Variants in ZNF347 observed in about 807,000 individuals in gnomAD.
ZNF347 encodes CTD-2620I22.7.
A neutral mutation model predicts 12.9 loss-of-function variants in ZNF347; 19 were observed. That is an observed-to-expected ratio of 1.47 (90% CI 1.03 to 2.16). The LOEUF (loss-of-function observed/expected upper bound fraction) is 2.16. ZNF347 is among the 30% of genes most tolerant of loss of function. The pLI, the probability that ZNF347 is intolerant of heterozygous loss-of-function variation, is 0.00. For missense variants in ZNF347, 1,005 were observed against 990.6 expected (o/e 1.01, Z -0.19); for synonymous variants, 328 against 340.6 (o/e 0.96, Z 0.41).
At chr19:53,144,695 G>A (rs2090451609) in intron 4 of ZNF347, among the ~76,000 whole-genome samples, 1 of 152,144 alleles carries the variant, frequency 6.6e-6, no homozygotes, top group Admixed American at 6.6e-5. Flanking sequence ...CTAGTCACAG[G>A]TGAGTTCACA....
rs761129866 is a variant in ZNF347, at chr19:53,148,691, A to G, written c.261T>C (p.Ala87=). The change falls in exon 4 of 5, where the codon GCT becomes GCC. Residue 87 remains alanine (A), a synonymous_variant. Coordinates refer to ENST00000334197, the MANE Select transcript of ZNF347 (RefSeq NM_032584.3). ...CATCTGAACTCTTACCTGTGATCAC[A>G]GCTTTGATCCATTCCCATCCATCTG... is the stretch of plus-strand genomic sequence containing the variant. ...GNPDGWEWIK[A]VITALSSEFV... The G allele has an allele frequency of 2.5e-6, 4 of 1,612,638 alleles. No homozygotes were observed. In the African/African-American group the frequency reaches 5.3e-5, roughly 22 times the overall value.
intron 1 of ZNF347, 75 bp from the exon 2 acceptor site, chr19:53,153,868 C>T: frequency 2.7e-6 from 3 of 1,104,862 alleles, no homozygotes; most frequent in Non-Finnish European, 4.1e-6. Context: ...TCAGAATCAA[C>T]ACATCCCCTT....
chr19:53,154,461 C>T (rs1026945442), intron 1 of ZNF347, among the ~76,000 whole-genome samples: 2 of 151,988 alleles, frequency 1.3e-5, no homozygotes, highest in South Asian at 2.1e-4. Flanking sequence ...GGGTTGAAAG[C>T]CATGAGCTGA....
chr19:53,147,597 A>C (rs2090471493), intron 4 of ZNF347, among the ~76,000 whole-genome samples: 1 of 151,906 alleles, frequency 6.6e-6, no homozygotes, highest in South Asian at 2.1e-4. Context: ...GAAAGAAAAG[A>C]AAAAATAAAG....
intron 1 of ZNF347, among the ~76,000 whole-genome samples, chr19:53,158,224 G>C (rs1351319026): frequency 6.6e-6 from 1 of 152,196 alleles, no homozygotes; most frequent in Non-Finnish European, 1.5e-5. Flanking sequence ...GACTGCGAAG[G>C]GGAGGCCTGG....
chr19:53,156,388 G>C (rs2090536156), intron 1 of ZNF347, among the ~76,000 whole-genome samples: 1 of 151,750 alleles, frequency 6.6e-6, no homozygotes, highest in African/African-American at 2.4e-5. Flanking sequence ...GGACAACAGA[G>C]CGAGACTGTT....
At position 53,141,147 on chromosome 19, in the gene ZNF347, C is replaced by T; in HGVS notation, c.1681G>A (p.Val561Ile). Residue 561 changes from valine (V) to isoleucine (I), a missense_variant, in exon 5 of 5, where the codon GTC becomes ATC. By Grantham distance (29) the Val-to-Ile change is conservative (BLOSUM62 3). Transcript: ENST00000334197. ...SVYSSLTTHQVIHTGEKPYKC... is the reference protein window; with the variant it reads ...SVYSSLTTHQIIHTGEKPYKC... ...TAAGGTTTTTCTCCAGTATGGATGA[C>T]CTGATGGGTAGTTAGGCTTGAATAC... is the stretch of plus-strand genomic sequence containing the variant. 1.2e-6 allele frequency: 2 copies of T among 1,613,872 alleles called. No individual in the cohort carries two copies. Among genetic ancestry groups the T allele is most frequent in the South Asian group, 1.1e-5 (1 of 91,068 alleles).
intron 4 of ZNF347, among the ~76,000 whole-genome samples, chr19:53,143,351 A>G (rs1214141004): frequency 6.8e-6 from 1 of 148,104 alleles, no homozygotes; most frequent in Non-Finnish European, 1.5e-5. Flanking sequence ...AACATTAGGT[A>G]TATCTCCTAA....
chr19:53,155,006 C>T (rs111952148), intron 1 of ZNF347, among the ~76,000 whole-genome samples: 9,887 of 151,308 alleles, frequency 0.065, 388 homozygotes, highest in Middle Eastern at 0.079. Context: ...GTTGCGATCT[C>T]GGCTCACCGT....
rs546283541 is a variant in ZNF347 at position 53,136,119 on chromosome 19, C to T, written c.*4189G>A. ...TTCTCCAGATGCTGGTTAACCTCCA[C>T]ACGCTTGATTTTCAAGCATCTGATC... On this transcript the variant is annotated 3_prime_UTR_variant, in exon 5 of 5. Coordinates refer to ENST00000334197, the MANE Select transcript of ZNF347 (RefSeq NM_032584.3). 2.0e-5 allele frequency: 3 copies of T among 151,362 alleles called. No homozygotes were observed. Among genetic ancestry groups the T allele is most frequent in the Admixed American group, 1.3e-4 (2 of 15,074 alleles). 9.4% of individuals were successfully genotyped at this position (151,362 alleles called of 1,614,324 possible). A position where few individuals can be genotyped will look rare whatever the true frequency, so the allele number is the denominator to read the frequency against.
rs2090383652 is a variant in ZNF347 at position 53,135,390 on chromosome 19, A to AGAGAGAGAGAGAGAGG, written c.*4917_*4918insCCTCTCTCTCTCTCTC. On this transcript the variant is annotated 3_prime_UTR_variant, in exon 5 of 5. Transcript: ENST00000334197. ...GAGAAAGAGAGAGAGAGAGAGAGAGAGAGATGGAGTCCCGCTCTGTCACTG... is the reference window on the plus strand; with the variant it reads ...GAGAAAGAGAGAGAGAGAGAGAGAGAGAGAGAGAGAGAGAGGGAGATGGAGTCCCGCTCTGTCACTG... 6.8e-6 allele frequency: 1 copy of AGAGAGAGAGAGAGAGG among 147,042 alleles called. No individual in the cohort carries two copies. Among genetic ancestry groups the AGAGAGAGAGAGAGAGG allele is most frequent in the African/African-American group, 2.5e-5 (1 of 39,710 alleles). The allele number at this position is 147,042 out of a possible 1,614,324, so 9.1% of individuals were successfully genotyped here.
At position 53,135,597 on chromosome 19, in the gene ZNF347, T is replaced by G. The variant is rs3930063; in HGVS notation, c.*4711A>C. ...CATGTTGATCAGGCTGGTCTCGAAT[T>G]CCTGACCTCAGGTGATCCCCCCGCC... On this transcript the variant is annotated 3_prime_UTR_variant, in exon 5 of 5. Coordinates refer to ENST00000334197, the MANE Select transcript of ZNF347 (RefSeq NM_032584.3). 0.11 allele frequency: 16,180 copies of G among 152,118 alleles called. 987 individuals are homozygous for G. The highest frequency in any genetic ancestry group is 0.14 in the Middle Eastern group (41 of 294). 9.4% of individuals were successfully genotyped at this position (152,118 alleles called of 1,614,324 possible).
chr19:53,150,374 C>T (rs2146809352), intron 2 of ZNF347, among the ~76,000 whole-genome samples: 1 of 152,294 alleles, frequency 6.6e-6, no homozygotes, highest in East Asian at 1.9e-4. Context: ...TCCTCACACA[C>T]ACAGGTATTT....
At chr19:53,144,109 GTAGTA>G (rs2090446883) in intron 4 of ZNF347, among the ~76,000 whole-genome samples, 1 of 151,928 alleles carries the variant, frequency 6.6e-6, no homozygotes, top group Admixed American at 6.6e-5. Flanking sequence ...GATTTCTCTG[GTAGTA>G]TAAGTCCTTA....
At chr19:53,158,973 G>T (rs1468864790) in intron 1 of ZNF347, 36 bp downstream of exon 1, 1 of 152,110 alleles carries the variant, frequency 6.6e-6, no homozygotes, top group Non-Finnish European at 1.5e-5. Context: ...GGGGCACGGC[G>T]GTTCGCAAGT....
rs1256666757 is a variant in ZNF347, at chr19:53,138,553, T to C, written c.*1755A>G. ...TGGCAGCTTTCAGAGTGTAAGAGTA[T>C]GAAAACTGCACTTTCTATGGGATTT... On this transcript the variant is annotated 3_prime_UTR_variant, in exon 5 of 5. Coordinates refer to ENST00000334197, the MANE Select transcript of ZNF347 (RefSeq NM_032584.3). 3.9e-5 allele frequency: 6 copies of C among 152,202 alleles called. No individual in the cohort carries two copies. 9.4% of individuals were successfully genotyped at this position (152,202 alleles called of 1,614,324 possible).
In ZNF347 at chr19:53,149,345, A is replaced by C; in HGVS notation, c.38T>G (p.Val13Gly). The change falls in exon 3 of 5, where the codon GTG (valine) becomes GGG (glycine). Residue 13 changes from valine (V) to glycine (G), a missense_variant. Coordinates refer to ENST00000334197, the MANE Select transcript of ZNF347 (RefSeq NM_032584.3). ...CTCCTCCTGAGAGAATTCTATAGCC[A>C]CATCCCTGAATGTCACCTGTCCCTA... The part of the protein sequence containing the change: ...LTQGQVTFRD[V>G]AIEFSQEEWT... The C allele has an allele frequency of 6.2e-7, 1 of 1,614,016 alleles. No individual in the cohort carries two copies. The highest frequency in any genetic ancestry group is 8.5e-7 in the Non-Finnish European group (1 of 1,179,928).
chr19:53,139,987 G>T lies in ZNF347; in HGVS notation c.*321C>A. The T allele has an allele frequency of 4.9e-6, 1 of 205,386 alleles. No individual in the cohort carries two copies. The highest frequency in any genetic ancestry group is 9.8e-6 in the Non-Finnish European group (1 of 101,796). The allele number at this position is 205,386 out of a possible 1,614,324, so 12.7% of individuals were successfully genotyped here. The stretch of plus-strand genomic sequence containing the variant: ...ACGATCTTGGCTCACTGCAACCTCC[G>T]CCTCCTGGGTTCAAGTGATTCTCCT... On this transcript the variant is annotated 3_prime_UTR_variant, in exon 5 of 5. Transcript: ENST00000334197.
In ZNF347 at chr19:53,155,661, C is replaced by T. The variant is rs116087152; in HGVS notation, c.-46-1868G>A. On this transcript the variant is annotated intron_variant, in intron 1 of 4. Coordinates refer to ENST00000334197, the MANE Select transcript of ZNF347 (RefSeq NM_032584.3). ...TGTGTACGTGTCTTAATGGAGAACA[C>T]CACTCCCTAGGTACAGGGATGAATT... Among the ~76,000 whole-genome samples the T allele has an allele frequency of 5.3e-3, 805 of 152,134 alleles. 13 individuals carry two copies. The highest frequency in any genetic ancestry group is 0.018 in the African/African-American group (762 of 41,482).
Sources: allele counts gnomAD v4.1 joint callset (sites outside exome capture counted in the v4.1 genomes callset), GRCh38; gene constraint gnomAD v4.1.1; transcripts MANE v1.5; gene names NCBI Gene and HGNC (gene_info 2026-07-23, HGNC 2026-07-21).